The following ST6GALNAC1 variants were observed in gnomAD, a reference collection of about 807,000 sequenced individuals.
ST6GALNAC1 encodes the protein ST6 N-acetylgalactosaminide alpha-2,6-sialyltransferase 1.
ST6GALNAC1 carries 45 observed loss-of-function variants against 56.8 expected under a neutral mutation model. The ratio of observed to expected loss-of-function variants is 0.79; its 90% CI spans 0.62 to 1.02. ST6GALNAC1 has a LOEUF of 1.02. ST6GALNAC1 is among the 50% of genes least tolerant of loss of function. The probability of loss-of-function intolerance (pLI) is 0.00; values close to 1 mark genes in which losing one functional copy is unlikely to be tolerated. For synonymous variants in ST6GALNAC1, 295 were observed against 297.8 expected (o/e 0.99, Z 0.10); for missense variants, 743 against 754.8 (o/e 0.98, Z 0.18).
rs752557008 is a variant in ST6GALNAC1 at position 76,625,151 on chromosome 17, C to A, written c.*179G>T. 114 of 653,808 alleles carry A rather than the reference C, an allele frequency of 1.7e-4. No individual in the cohort carries two copies. Among genetic ancestry groups the A allele is most frequent in the Non-Finnish European group, 1.2e-4 (48 of 386,724 alleles). The allele number at this position is 653,808 out of a possible 1,614,324, so 40.5% of individuals were successfully genotyped here. A position where few individuals can be genotyped will look rare whatever the true frequency, so the allele number is the denominator to read the frequency against. ...AGCAATGTACTGAAGAACTTCAGAA[C>A]CTCAATTAGCCATTTGCCATCTTGA... On this transcript the variant is annotated 3_prime_UTR_variant, in exon 9 of 9. Coordinates refer to ENST00000156626, the MANE Select transcript of ST6GALNAC1 (RefSeq NM_018414.5).
downstream of ST6GALNAC1, among the ~76,000 whole-genome samples, chr17:76,624,213 C>G (rs947130075): frequency 4.6e-5 from 7 of 151,878 alleles, no homozygotes; most frequent in African/African-American, 1.7e-4. Context: ...GTCCTTTATT[C>G]TATTTATTTA....
rs2075814840 is a variant in ST6GALNAC1, at chr17:76,627,201, G to C, written c.1038C>G (p.Pro346=). 3 of 1,590,216 alleles carry C rather than the reference G, an allele frequency of 1.9e-6. No homozygotes were observed. The highest frequency in any genetic ancestry group is 1.7e-6 in the Non-Finnish European group (2 of 1,168,220). Residue 346 remains proline (P), a synonymous_variant, in exon 4 of 9, where the codon CCC becomes CCG. Transcript: ENST00000156626. This position sits in a 1 kb window ranked among gnomAD's most constrained non-coding sequence, Gnocchi z 4.4. ...GGCTGGCCAGGAGCAGCTGCTGCTG[G>C]GGCACTGGAGGGAAGCGTGTCACGA... is the stretch of plus-strand genomic sequence containing the variant. ...QKVVTRFPPV[P]QQQLLLASLP... is the part of the protein sequence containing the mutation.
At chr17:76,631,770 T>TC (rs1232670286) in intron 1 of ST6GALNAC1, among the ~76,000 whole-genome samples, 1 of 152,044 alleles carries the variant, frequency 6.6e-6, no homozygotes, top group African/African-American at 2.4e-5. Context: ...TCCATCCCTT[T>TC]CCAGGGGTCT....
intron 1 of ST6GALNAC1, chr17:76,637,704 C>G (rs776892926): frequency 5.5e-5 from 22 of 399,012 alleles, no homozygotes; most frequent in Non-Finnish European, 7.5e-5. Flanking sequence ...GCCTTGGCAC[C>G]GCATCAGATG....
At chr17:76,623,939 A>T (rs75200559), downstream of ST6GALNAC1, among the ~76,000 whole-genome samples, 3 of 152,196 alleles carry the variant, frequency 2.0e-5, no homozygotes, top group Non-Finnish European at 4.4e-5. Flanking sequence ...ACCTGATGTG[A>T]TGTCCACCCT....
In ST6GALNAC1 at chr17:76,627,148, G is replaced by A; in HGVS notation, c.1091C>T (p.Thr364Ile). 1 of 1,606,520 alleles carries A rather than the reference G, an allele frequency of 6.2e-7. No homozygotes were observed. The highest frequency in any genetic ancestry group is 1.1e-5 in the South Asian group (1 of 90,000). ...GCCCCCGTTGCCCACCACGGCACAG[G>A]TGATGCACCGGAGGCTCCCAGCGGG... is the stretch of plus-strand genomic sequence containing the variant. ...SLPAGSLRCI[T>I]CAVVGNGGIL... The change falls in exon 4 of 9, where the codon ACC (threonine) becomes ATC (isoleucine). Residue 364 changes from threonine (T) to isoleucine (I), a missense_variant. Coordinates refer to ENST00000156626, the MANE Select transcript of ST6GALNAC1 (RefSeq NM_018414.5). This position sits in a 1 kb window ranked among gnomAD's most constrained non-coding sequence, Gnocchi z 4.4.
Position 76,632,322 on chromosome 17 carries a change from G to T in ST6GALNAC1, c.132-2611C>A, listed in dbSNP as rs556181107. On this transcript the variant is annotated intron_variant, in intron 1 of 8. Coordinates refer to ENST00000156626, the MANE Select transcript of ST6GALNAC1 (RefSeq NM_018414.5). ...GGCACCTTAACTTGGCCGTGGCGGG[G>T]AGAGATGATGAGGCAGGGGTGGTTT... Among the ~76,000 whole-genome samples the T allele has an allele frequency of 8.5e-5, 13 of 152,232 alleles. No homozygotes were observed. The South Asian group carries it at 2.7e-3, about 32-fold the overall frequency.
chr17:76,640,760 G>C (rs910701537), intron 1 of ST6GALNAC1, among the ~76,000 whole-genome samples: 1 of 152,116 alleles, frequency 6.6e-6, no homozygotes, highest in Non-Finnish European at 1.5e-5. Flanking sequence ...GACCACAAAG[G>C]AAAAGATGGA....
chr17:76,625,665 A>G (rs1185635823), intron 8 of ST6GALNAC1, 138 bp from the exon 9 acceptor site: 4 of 1,161,258 alleles, frequency 3.4e-6, no homozygotes, highest in Non-Finnish European at 4.8e-6. Context: ...GTCCCTGGAT[A>G]CGCACGCATA....
intron 1 of ST6GALNAC1, among the ~76,000 whole-genome samples, chr17:76,630,831 T>C: frequency 6.6e-6 from 1 of 151,520 alleles, no homozygotes; most frequent in Admixed American, 6.6e-5. Flanking sequence ...TCTCGTGATC[T>C]GCCCACCTTG....
rs750758351 is a variant in ST6GALNAC1, at chr17:76,627,473, C to T, written c.942G>A (p.Glu314=). 6.2e-7 allele frequency: 1 copy of T among 1,614,092 alleles called. No homozygotes were observed. Among genetic ancestry groups the T allele is most frequent in the Middle Eastern group, 1.7e-4 (1 of 6,060 alleles). ...FLDSRHFNQS[E]WDRLEHFAPP... is the part of the protein sequence containing the mutation. ...GTGCAAAGTGTTCCAGGCGGTCCCA[C>T]TCACTCTGGTTGAAGTGTCTGGAGT... Residue 314 remains glutamate (E), a synonymous_variant, in exon 3 of 9, where the codon GAG becomes GAA. Coordinates refer to ENST00000156626, the MANE Select transcript of ST6GALNAC1 (RefSeq NM_018414.5). This position sits in a 1 kb window ranked among gnomAD's most constrained non-coding sequence, Gnocchi z 4.4.
At chr17:76,625,646 T>G in intron 8 of ST6GALNAC1, 119 bp from the exon 9 acceptor site, 2 of 1,270,194 alleles carry the variant, frequency 1.6e-6, no homozygotes, top group Non-Finnish European at 2.2e-6. Flanking sequence ...CCTAGGGGTC[T>G]GGGTGCAGGT....
chr17:76,632,495 A>G (rs904129264), intron 1 of ST6GALNAC1, among the ~76,000 whole-genome samples: 5 of 152,200 alleles, frequency 3.3e-5, no homozygotes, highest in Non-Finnish European at 7.3e-5. Context: ...GGCCTATTCA[A>G]CCGCAAATCT....
downstream of ST6GALNAC1, among the ~76,000 whole-genome samples, chr17:76,623,849 C>A (rs1053250947): frequency 1.3e-5 from 2 of 152,162 alleles, no homozygotes; most frequent in South Asian, 2.1e-4. Flanking sequence ...GTTTAGGTAG[C>A]CTGAGTTTAA....
chr17:76,622,961 T>G (rs760946114), downstream of ST6GALNAC1, among the ~76,000 whole-genome samples: 3 of 151,700 alleles, frequency 2.0e-5, no homozygotes, highest in Non-Finnish European at 4.4e-5. Context: ...GCCTGGCTAA[T>G]TTTTTGTATT....
the ST6GALNAC1 span, among the ~76,000 whole-genome samples, chr17:76,619,428 T>C: frequency 6.6e-6 from 1 of 152,230 alleles, no homozygotes; most frequent in African/African-American, 2.4e-5. Context: ...CACAAGTTCA[T>C]ACTGATACCT....
At chr17:76,642,027 ATATC>A (rs967362075) in intron 1 of ST6GALNAC1, 9 of 150,572 alleles carry the variant, frequency 6.0e-5, no homozygotes, top group Admixed American at 2.0e-4. Flanking sequence ...GTATATATCT[ATATC>A]TATATATACA....
downstream of ST6GALNAC1, among the ~76,000 whole-genome samples, chr17:76,622,656 C>T (rs991275923): frequency 2.0e-5 from 3 of 152,222 alleles, no homozygotes; most frequent in Non-Finnish European, 2.9e-5. Flanking sequence ...AGCCACCGCG[C>T]CTGGCCCATT....
At position 76,627,011 on chromosome 17, in the gene ST6GALNAC1, G is replaced by A; in HGVS notation, c.1172+56C>T. ...GAGGGGCAAGAGAGGGGCTGGAGGG[G>A]GGCTGGAGGGGGCAGGAGAGGGGCT... is the stretch of plus-strand genomic sequence containing the variant. On this transcript the variant is annotated intron_variant, in intron 4 of 8. Transcript: ENST00000156626. The surrounding 1 kb of genome is among the most constrained non-coding windows in gnomAD (Gnocchi z 4.4). 4.0e-6 allele frequency: 6 copies of A among 1,511,444 alleles called. No individual in the cohort carries two copies. In the South Asian group the frequency reaches 5.3e-5, roughly 13 times the overall value. The allele number at this position is 1,511,444 out of a possible 1,614,324, so 93.6% of individuals were successfully genotyped here.
Sources: gnomAD v4.1 joint callset for allele counts (sites outside exome capture counted in the v4.1 genomes callset) on GRCh38, gnomAD v4.1.1 for gene constraint, Gnocchi (gnomAD v3.1) non-coding constraint, MANE v1.5 for transcripts, NCBI Gene and HGNC (gene_info 2026-07-23, HGNC 2026-07-21) for gene names.